The following CTPS2 variants were observed in gnomAD, a reference collection of about 807,000 sequenced individuals.
CTPS2 encodes the protein CTP synthase 2, also known as CTP synthase II.
In CTPS2, 19 loss-of-function variants were observed where a neutral mutation model predicts 46.8. The observed-to-expected ratio is 0.41, with a 90% CI of 0.28 to 0.60. CTPS2 has a LOEUF of 0.60. Ranked by LOEUF, CTPS2 falls within the 20% of genes least tolerant of loss-of-function variation. The pLI is 0.35. For missense variants in CTPS2, 286 were observed against 447.6 expected (o/e 0.64, Z 3.26); for synonymous variants, 151 against 165.2 (o/e 0.91, Z 0.66).
chrX:16,686,493 G>A (rs1321032756), intron 8 of CTPS2, among the ~76,000 whole-genome samples: 1 of 111,879 alleles, frequency 8.9e-6, no homozygotes, highest in Non-Finnish European at 1.9e-5. Flanking sequence ...CATAAGTAAG[G>A]CTCTCCAGCT....
chrX:16,637,789 A>C (rs773580639), intron 14 of CTPS2, among the ~76,000 whole-genome samples: 1 of 112,329 alleles, frequency 8.9e-6, no homozygotes, highest in South Asian at 3.7e-4. Context: ...GACTTAGAGA[A>C]CAATGGCTTT....
At position 16,639,151 on chromosome X, in the gene CTPS2, T is replaced by C. The variant is rs762507057; in HGVS notation, c.1389A>G (p.Ile463Met). 2.1e-5 allele frequency: 25 copies of C among 1,180,751 alleles called. No individual in the cohort carries two copies. Among genetic ancestry groups the C allele is most frequent in the Non-Finnish European group, 2.6e-5 (23 of 868,732 alleles). The change falls in exon 14 of 19, where the codon ATA (isoleucine) becomes ATG (methionine). Residue 463 changes from isoleucine to methionine, a missense_variant. By Grantham distance (10) the Ile-to-Met change is conservative. Transcript: ENST00000359276. ...TAAACAATATGGGAAACTTACTTAA[T>C]ATTGAATTTTCAGTTTTGAAAACAG... ...RRTVFKTENS[I>M]LRKLYGDVPF...
intron 14 of CTPS2, among the ~76,000 whole-genome samples, chrX:16,621,434 T>G (rs917186818): frequency 9.6e-6 from 1 of 104,561 alleles, no homozygotes; most frequent in Non-Finnish European, 1.9e-5. Context: ...ACATGTACCC[T>G]AGAACTTAAA....
chrX:16,631,379 C>T (rs1931458863), intron 14 of CTPS2, among the ~76,000 whole-genome samples: 2 of 109,793 alleles, frequency 1.8e-5, no homozygotes, highest in Non-Finnish European at 3.8e-5. Flanking sequence ...ATTAGCCAGG[C>T]GTGGTGGCAT....
rs764482826 is a variant in CTPS2, at chrX:16,690,812, T to C, written c.720+728A>G. Among the ~76,000 whole-genome samples the C allele has an allele frequency of 3.6e-5, 4 of 112,426 alleles. No homozygotes were observed. The South Asian group carries it at 1.5e-3, about 41-fold the overall frequency. On this transcript the variant is annotated intron_variant, in intron 7 of 18. Coordinates refer to ENST00000359276, the MANE Select transcript of CTPS2 (RefSeq NM_175859.3). Reference sequence around the variant, plus strand: ...TAAGCCCAAATCACAGTACAGTTTCTGTACCAATGAAGTCAACTGAGCCCA... The same window carrying C: ...TAAGCCCAAATCACAGTACAGTTTCCGTACCAATGAAGTCAACTGAGCCCA...
chrX:16,680,481 G>A lies in CTPS2; in HGVS notation c.1006-2031C>T, dbSNP rs550904373. ...AAGGCACAAGAATTGCTTGAACCCC[G>A]GAGGTGGAGGTTGCAGTGAGCCAAG... On this transcript the variant is annotated intron_variant, in intron 9 of 18. Coordinates refer to ENST00000359276, the MANE Select transcript of CTPS2 (RefSeq NM_175859.3). 1.3e-4 allele frequency among the ~76,000 whole-genome samples: 14 copies of A among 106,620 alleles called. 1 individual carries two copies. Among genetic ancestry groups the A allele is most frequent in the Admixed American group, 1.2e-3 (12 of 9,869 alleles). The allele number at this position is 106,620 out of a possible 115,157, so 92.6% of individuals were successfully genotyped here.
chrX:16,707,173 C>A (rs958901484), intron 1 of CTPS2, among the ~76,000 whole-genome samples: 5 of 111,894 alleles, frequency 4.5e-5, no homozygotes, highest in Admixed American at 1.9e-4. Flanking sequence ...CTGATTCAAA[C>A]CCTTTTGTTT....
At chrX:16,637,908 A>C (rs1397858166) in intron 14 of CTPS2, among the ~76,000 whole-genome samples, 1 of 111,901 alleles carries the variant, frequency 8.9e-6, no homozygotes, top group Non-Finnish European at 1.9e-5. Flanking sequence ...TCATCTTTAA[A>C]GGAAAAGCTC....
intron 10 of CTPS2, among the ~76,000 whole-genome samples, chrX:16,672,572 G>A (rs770341290): frequency 9.0e-6 from 1 of 111,666 alleles, no homozygotes; most frequent in South Asian, 3.8e-4. Context: ...AAGATATTGG[G>A]TGCTAGGCAG....
intron 13 of CTPS2, chrX:16,651,146 G>A (rs774633766): frequency 1.7e-6 from 2 of 1,198,972 alleles, no homozygotes; most frequent in Non-Finnish European, 2.3e-6. Flanking sequence ...CTCAAAGTAA[G>A]TGGCCATCCG....
intron 2 of CTPS2, among the ~76,000 whole-genome samples, chrX:16,701,605 A>AT (rs368196376): frequency 0.028 from 2,650 of 95,028 alleles, 46 homozygotes; most frequent in African/African-American, 0.042. Context: ...GGACACAAAC[A>AT]TTTTTTTTTT....
chrX:16,699,776 T>C (rs1924408205), intron 2 of CTPS2, among the ~76,000 whole-genome samples: 1 of 112,323 alleles, frequency 8.9e-6, no homozygotes, highest in South Asian at 3.6e-4. Flanking sequence ...TACTGTTAGA[T>C]GTCCACAGGA....
chrX:16,669,245 A>G (rs1287055818), intron 11 of CTPS2, among the ~76,000 whole-genome samples: 1 of 111,601 alleles, frequency 9.0e-6, no homozygotes, highest in Non-Finnish European at 1.9e-5. Context: ...TCCCAGACCC[A>G]GCTCCGCCTT....
At chrX:16,691,479 C>T (rs1923695477) in intron 7 of CTPS2, 61 bp downstream of exon 7, 2 of 954,456 alleles carry the variant, frequency 2.1e-6, no homozygotes, top group African/African-American at 1.9e-5. Context: ...TGAAGAGGTA[C>T]AAAACACTGG....
At chrX:16,638,704 T>A (rs1027420062) in intron 14 of CTPS2, 3 of 275,785 alleles carry the variant, frequency 1.1e-5, no homozygotes, top group South Asian at 8.3e-5. Context: ...GGTGCATAAC[T>A]GCCCTCCTAC....
Position 16,647,353 on chromosome X carries a change from C to T in CTPS2, c.1297-8110G>A, listed in dbSNP as rs1346071665. Among the ~76,000 whole-genome samples, 14 of 102,319 alleles carry T rather than the reference C, an allele frequency of 1.4e-4. No homozygotes were observed. In the East Asian group the frequency reaches 4.3e-3, roughly 32 times the overall value. 88.9% of individuals were successfully genotyped at this position (102,319 alleles called of 115,157 possible). On this transcript the variant is annotated intron_variant, in intron 13 of 18. Coordinates refer to ENST00000359276, the MANE Select transcript of CTPS2 (RefSeq NM_175859.3). ...CAGGATCTCAGCTCAACGCAACTTCCACCTCCCGGGTTCAAGCAATTCTCC... is the reference window on the plus strand; with the variant it reads ...CAGGATCTCAGCTCAACGCAACTTCTACCTCCCGGGTTCAAGCAATTCTCC...
chrX:16,645,076 G>A (rs1932249685), intron 13 of CTPS2, among the ~76,000 whole-genome samples: 1 of 111,488 alleles, frequency 9.0e-6, no homozygotes, highest in Admixed American at 9.5e-5. Flanking sequence ...TCCGCCTCCC[G>A]GGTTCACGCC....
At chrX:16,628,214 T>C (rs759031557) in intron 14 of CTPS2, among the ~76,000 whole-genome samples, 1 of 111,621 alleles carries the variant, frequency 9.0e-6, no homozygotes, top group Admixed American at 9.6e-5. Context: ...TTCATTTCTT[T>C]TAGTATCTAA....
chrX:16,697,718 C>T (rs1474023445), intron 4 of CTPS2, among the ~76,000 whole-genome samples: 1 of 111,237 alleles, frequency 9.0e-6, no homozygotes, highest in Non-Finnish European at 1.9e-5. Context: ...GCCGGAATTG[C>T]AGGCATGAGC....
Sources: allele counts gnomAD v4.1 joint callset (sites outside exome capture counted in the v4.1 genomes callset), GRCh38; gene constraint gnomAD v4.1.1; transcripts MANE v1.5; gene names NCBI Gene and HGNC (gene_info 2026-07-23, HGNC 2026-07-21).